The following ARHGEF7 variants were observed in gnomAD, a reference collection of about 807,000 sequenced individuals.
ARHGEF7 encodes Rho guanine nucleotide exchange factor 7.
ARHGEF7 carries 33 observed loss-of-function variants against 109.8 expected under a neutral mutation model. That is an observed-to-expected ratio of 0.30 (90% CI 0.23 to 0.40). The LOEUF (loss-of-function observed/expected upper bound fraction) is 0.40. Ranked by LOEUF, ARHGEF7 falls within the 10% of genes least tolerant of loss-of-function variation. The probability of loss-of-function intolerance (pLI) is 1.00; values close to 1 mark genes in which losing one functional copy is unlikely to be tolerated. For synonymous variants in ARHGEF7, 458 were observed against 424.6 expected (o/e 1.08, Z -0.97); for missense variants, 938 against 1,098.5 (o/e 0.85, Z 2.07).
chr13:111,207,706 G>T (rs1440891393), intron 3 of ARHGEF7, among the ~76,000 whole-genome samples: 2 of 152,148 alleles, frequency 1.3e-5, no homozygotes, highest in Non-Finnish European at 2.9e-5. Context: ...GCTTTAATTT[G>T]TACACTCAGT....
intron 15 of ARHGEF7, 197 bp from the exon 16 acceptor site, chr13:111,282,942 G>C (rs2092848431): frequency 3.8e-6 from 3 of 784,782 alleles, no homozygotes; most frequent in Non-Finnish European, 6.0e-6. Context: ...CCCCACGCTC[G>C]GCCCAGGTGG....
chr13:111,259,417 C>G (rs968480692), intron 8 of ARHGEF7, among the ~76,000 whole-genome samples: 4 of 152,186 alleles, frequency 2.6e-5, no homozygotes, highest in African/African-American at 9.7e-5. Flanking sequence ...TTCTCTCTCT[C>G]TGTTTGGGAG....
At chr13:111,147,244 A>T (rs990062540) in intron 1 of ARHGEF7, among the ~76,000 whole-genome samples, 7 of 152,144 alleles carry the variant, frequency 4.6e-5, no homozygotes, top group African/African-American at 1.4e-4. Flanking sequence ...CTTAGGGTAG[A>T]TGTATATTTA....
At chr13:111,199,491 T>C (rs2080962543) in intron 2 of ARHGEF7, among the ~76,000 whole-genome samples, 1 of 152,214 alleles carries the variant, frequency 6.6e-6, no homozygotes, top group Non-Finnish European at 1.5e-5. Context: ...TCCCTGATGT[T>C]GCCTGTGCAT....
At chr13:111,182,760 G>C in intron 2 of ARHGEF7, 1 of 152,240 alleles carries the variant, frequency 6.6e-6, no homozygotes, top group East Asian at 1.9e-4. Context: ...GGCTCATACA[G>C]ATATGGTTCG....
At chr13:111,227,226 C>T (rs946587299) in intron 5 of ARHGEF7, among the ~76,000 whole-genome samples, 10 of 152,152 alleles carry the variant, frequency 6.6e-5, no homozygotes, top group African/African-American at 2.2e-4. Context: ...AAAGTGGTAG[C>T]AGGGTTTGAG....
intron 16 of ARHGEF7, 123 bp downstream of exon 16, chr13:111,283,486 A>AG (rs540122747): frequency 4.9e-5 from 69 of 1,417,946 alleles, no homozygotes; most frequent in Admixed American, 2.6e-4. Flanking sequence ...AGAACTGAGA[A>AG]GGGGGGGTCT....
chr13:111,257,149 C>G (rs1396400117), intron 8 of ARHGEF7, among the ~76,000 whole-genome samples: 4 of 152,332 alleles, frequency 2.6e-5, no homozygotes, highest in East Asian at 1.9e-4. Flanking sequence ...ATTTTCCCCC[C>G]ACCCAGCTCT....
intron 2 of ARHGEF7, among the ~76,000 whole-genome samples, chr13:111,195,645 G>T (rs1458643515): frequency 1.3e-5 from 2 of 152,182 alleles, no homozygotes; most frequent in African/African-American, 2.4e-5. Context: ...TCATCTGGTT[G>T]GGGGCTTCTG....
intron 1 of ARHGEF7, among the ~76,000 whole-genome samples, chr13:111,136,222 A>G (rs1282030309): frequency 6.6e-6 from 1 of 152,188 alleles, no homozygotes; most frequent in African/African-American, 2.4e-5. Flanking sequence ...GGATTTTTGC[A>G]TCAATGTTCA....
chr13:111,280,624 G>A lies in ARHGEF7; in HGVS notation c.1672G>A (p.Val558Ile), dbSNP rs1273332333. ...WVEHLQKQTK[V>I]TSVGNPTIKP... ...GGAGCACCTACAGAAGCAAACGAAG[G>A]TCACGTCTGTGGGAAACCCCACCAT... The change falls in exon 15 of 22, where the codon GTC becomes ATC. Residue 558 changes from valine to isoleucine, a missense_variant. Val to Ile is a conservative substitution (Grantham distance 29). Around this residue, in one of 4 missense-constraint regions of ARHGEF7, gnomAD observed 585 missense variants for 723.6 expected, o/e 0.81. Coordinates refer to ENST00000646102, the MANE Select transcript of ARHGEF7 (RefSeq NM_001354046.2). The A allele has an allele frequency of 1.9e-6, 3 of 1,612,080 alleles. No individual in the cohort carries two copies. Among genetic ancestry groups the A allele is most frequent in the East Asian group, 2.2e-5 (1 of 44,836 alleles).
intron 1 of ARHGEF7, chr13:111,153,601 C>T: frequency 1.7e-6 from 2 of 1,142,970 alleles, no homozygotes; most frequent in African/African-American, 1.6e-5. Flanking sequence ...CGACGCTATC[C>T]GAAGACGTCC....
intron 17 of ARHGEF7, among the ~76,000 whole-genome samples, chr13:111,287,064 C>T (rs933186372): frequency 6.6e-6 from 1 of 152,232 alleles, no homozygotes; most frequent in Non-Finnish European, 1.5e-5. Context: ...CTGTGCCATG[C>T]CACTGCTGGC....
intron 2 of ARHGEF7, among the ~76,000 whole-genome samples, chr13:111,192,247 C>G (rs1434825173): frequency 6.6e-6 from 1 of 152,124 alleles, no homozygotes; most frequent in Non-Finnish European, 1.5e-5. Flanking sequence ...TCCACTCCTG[C>G]CACCTTAACT....
At chr13:111,194,788 A>G (rs774658391) in intron 2 of ARHGEF7, among the ~76,000 whole-genome samples, 18 of 152,218 alleles carry the variant, frequency 1.2e-4, no homozygotes, top group Non-Finnish European at 2.1e-4. Context: ...AAGACTGTCC[A>G]TGTAAGTTGG....
At chr13:111,205,397 C>T (rs757642300) in intron 3 of ARHGEF7, 24 bp downstream of exon 3, 42 of 1,524,926 alleles carry the variant, frequency 2.8e-5, no homozygotes, top group South Asian at 3.8e-5. Flanking sequence ...TTATTGAACT[C>T]GAGGGGGTGG....
At position 111,174,977 on chromosome 13, in the gene ARHGEF7, C is replaced by G. The variant is rs112325929; in HGVS notation, c.252+20986C>G. On this transcript the variant is annotated intron_variant, in intron 2 of 21. Transcript: ENST00000646102. ...TGTCTCGGGATCTTGCTGTCTCCTC[C>G]TCAACCGTCCTCCTGTGTTGGGAGC... Among the ~76,000 whole-genome samples the G allele has an allele frequency of 2.6e-5, 4 of 152,318 alleles. No homozygotes were observed. The South Asian group carries it at 6.2e-4, about 24-fold the overall frequency.
chr13:111,143,761 T>G (rs1375652844), intron 1 of ARHGEF7: 1 of 152,230 alleles, frequency 6.6e-6, no homozygotes, highest in Non-Finnish European at 1.5e-5. Flanking sequence ...CCACCCCAGC[T>G]GCACTTGCTT....
chr13:111,300,763 C>A lies in ARHGEF7; in HGVS notation c.2327C>A (p.Ser776Tyr). Reference protein sequence around the residue: ...MGSTSRSRKESAPQVLLPEEE... With the variant: ...MGSTSRSRKEYAPQVLLPEEE... Reference sequence around the variant, plus strand: ...ATGATCCTAGGTTCACGCAAAGAATCTGCTCCACAAGTTTTGCTTCCAGAA... The same window carrying A: ...ATGATCCTAGGTTCACGCAAAGAATATGCTCCACAAGTTTTGCTTCCAGAA... The change falls in exon 20 of 22, where the codon TCT becomes TAT. Residue 776 changes from serine to tyrosine, a missense_variant. Physicochemically the swap from Ser to Tyr is moderately radical, Grantham distance 144. This residue lies in a region of ARHGEF7 where 166 missense variants were observed against 167.3 expected (regional missense o/e 0.99). Coordinates refer to ENST00000646102, the MANE Select transcript of ARHGEF7 (RefSeq NM_001354046.2). The A allele has an allele frequency of 6.2e-7, 1 of 1,610,392 alleles. No individual in the cohort carries two copies. Among genetic ancestry groups the A allele is most frequent in the Non-Finnish European group, 8.5e-7 (1 of 1,178,026 alleles).
Sources: gnomAD v4.1 joint callset for allele counts (sites outside exome capture counted in the v4.1 genomes callset) on GRCh38, gnomAD v4.1.1 for gene constraint, gnomAD v4.1.1 regional missense constraint, MANE v1.5 for transcripts, NCBI Gene and HGNC (gene_info 2026-07-23, HGNC 2026-07-21) for gene names.